The following KLHL30 variants were observed in gnomAD, a reference collection of about 807,000 sequenced individuals.
KLHL30 encodes kelch-like protein 30.
Under a neutral mutation model 55.0 loss-of-function variants are expected in KLHL30, and 55 were observed. The ratio of observed to expected loss-of-function variants is 1.00; its 90% confidence interval spans 0.80 to 1.25. The LOEUF (loss-of-function observed/expected upper bound fraction) is 1.25, where lower values mean the gene tolerates loss of function less well. Ranked by LOEUF, KLHL30 falls within the 50% of genes most tolerant of loss-of-function variation. The pLI is 0.00. For synonymous variants in KLHL30, 356 were observed against 372.6 expected (o/e 0.96, Z 0.51); for missense variants, 786 against 811.6 (o/e 0.97, Z 0.38).
chr2:238,144,953 C>T lies in KLHL30; in HGVS notation c.959C>T (p.Ser320Phe). ...DFPDYHKWGF[S>F]LAALNNNIYV... ...CCCGACTATCACAAGTGGGGTTTCT[C>T]CCTGGCGGCCCTGAACAACAACATC... is the stretch of plus-strand genomic sequence containing the variant. The change falls in exon 4 of 8, where the codon TCC becomes TTC. Residue 320 changes from serine (S) to phenylalanine (F), a missense_variant. Transcript: ENST00000409223. 6.2e-7 allele frequency: 1 copy of T among 1,610,190 alleles called. No homozygotes were observed. The highest frequency in any genetic ancestry group is 8.5e-7 in the Non-Finnish European group (1 of 1,178,388).
rs369875701 is a variant in KLHL30 at position 238,142,850 on chromosome 2, G to A, written c.826G>A (p.Gly276Arg). Residue 276 changes from glycine (G) to arginine (R), a missense_variant, in exon 3 of 8, where the codon GGG becomes AGG. Gly to Arg is a moderately radical substitution (Grantham distance 125). Coordinates refer to ENST00000409223, the MANE Select transcript of KLHL30 (RefSeq NM_198582.4). ...KLEEVLVVVG[G>R]QALEEEEAGE... ...GGAGGAGGTCCTGGTGGTGGTGGGC[G>A]GGCAGGCGCTGGAGGAGGAGGAGGC... 5.7e-5 allele frequency: 84 copies of A among 1,462,306 alleles called. No individual in the cohort carries two copies. The highest frequency in any genetic ancestry group is 2.5e-4 in the Middle Eastern group (1 of 4,036). 90.6% of individuals were successfully genotyped at this position (1,462,306 alleles called of 1,614,324 possible).
chr2:238,145,618 C>T (rs1258428163), intron 4 of KLHL30, 59 bp from the exon 5 acceptor site: 4 of 1,540,476 alleles, frequency 2.6e-6, no homozygotes, highest in African/African-American at 1.4e-5. Flanking sequence ...GGTATCCACA[C>T]CCCATGGCCT....
chr2:238,146,653 C>T (rs534096732), intron 5 of KLHL30, among the ~76,000 whole-genome samples: 4 of 151,106 alleles, frequency 2.6e-5, no homozygotes, highest in Admixed American at 6.6e-5. Flanking sequence ...GTGGTCCACC[C>T]GCCTCAGCCT....
Position 238,149,293 on chromosome 2 carries a change from G to C in KLHL30, c.1485+141G>C, listed in dbSNP as rs1424798872. 7.6e-6 allele frequency: 9 copies of C among 1,190,774 alleles called. No homozygotes were observed. In the African/African-American group the frequency reaches 1.2e-4, roughly 16 times the overall value. 73.8% of individuals were successfully genotyped at this position (1,190,774 alleles called of 1,614,324 possible). A position where few individuals can be genotyped will look rare whatever the true frequency, so the allele number is the denominator to read the frequency against. ...AGCGCAGGCTGGGGTGCCCACAGAG[G>C]GCCCACAGTGAAGGGGGTGGCGCAG... On this transcript the variant is annotated intron_variant, in intron 7 of 7. Coordinates refer to ENST00000409223, the MANE Select transcript of KLHL30 (RefSeq NM_198582.4).
chr2:238,150,275 C>T (rs994021627), intron 7 of KLHL30, among the ~76,000 whole-genome samples: 1 of 152,182 alleles, frequency 6.6e-6, no homozygotes, highest in Non-Finnish European at 1.5e-5. Flanking sequence ...CACAGACCGG[C>T]CTCCCGCTTC....
intron 2 of KLHL30, 66 bp downstream of exon 2, chr2:238,141,594 G>A: frequency 2.8e-6 from 4 of 1,413,562 alleles, no homozygotes; most frequent in Non-Finnish European, 3.7e-6. Flanking sequence ...GACCCCACCT[G>A]AGTAGGGACA....
chr2:238,149,806 G>C (rs1692718806), intron 7 of KLHL30, among the ~76,000 whole-genome samples: 1 of 152,148 alleles, frequency 6.6e-6, no homozygotes, highest in Non-Finnish European at 1.5e-5. Flanking sequence ...ATCAGTGCCT[G>C]AGGAAGGGGA....
chr2:238,151,074 C>G lies in KLHL30; in HGVS notation c.*9C>G, dbSNP rs753767365. 3 of 1,580,570 alleles carry G rather than the reference C, an allele frequency of 1.9e-6. No individual in the cohort carries two copies. In the African/African-American group the frequency reaches 4.0e-5, roughly 21 times the overall value. ...CCACCCAGGAGCACTAAACCAGGGC[C>G]AGGGTCCCCGGGGAGGAGTCCCCAC... On this transcript the variant is annotated 3_prime_UTR_variant, in exon 8 of 8. Transcript: ENST00000409223.
At position 238,149,113 on chromosome 2, in the gene KLHL30, G is replaced by A. The variant is rs544032041; in HGVS notation, c.1446G>A (p.Lys482=). 29 of 1,613,120 alleles carry A rather than the reference G, an allele frequency of 1.8e-5. No individual in the cohort carries two copies. The South Asian group carries it at 3.1e-4, about 17-fold the overall frequency. The change falls in exon 7 of 8, where the codon AAG becomes AAA. Residue 482 remains lysine, a synonymous_variant. Transcript: ENST00000409223. ...ELYLIGDNTK[K]VYVYDPGANL... Reference sequence around the variant, plus strand: ...ACCTCATTGGGGACAACACCAAGAAGGTCTACGTGTACGACCCCGGGGCCA... The same window carrying A: ...ACCTCATTGGGGACAACACCAAGAAAGTCTACGTGTACGACCCCGGGGCCA...
Position 238,142,824 on chromosome 2 carries a change from T to A in KLHL30, c.800T>A (p.Leu267Gln). ...GCACCACTCGCCCTCCAGCAGAAGC[T>A]GGAGGAGGTCCTGGTGGTGGTGGGC... ...DGAPLALQQKLEEVLVVVGGQ... is the reference protein window; with the variant it reads ...DGAPLALQQKQEEVLVVVGGQ... The change falls in exon 3 of 8, where the codon CTG becomes CAG. Residue 267 changes from leucine (L) to glutamine (Q), a missense_variant. Transcript: ENST00000409223. 1 of 1,432,050 alleles carries A rather than the reference T, an allele frequency of 7.0e-7. No homozygotes were observed. Among genetic ancestry groups the A allele is most frequent in the Non-Finnish European group, 9.1e-7 (1 of 1,096,308 alleles). 88.7% of individuals were successfully genotyped at this position (1,432,050 alleles called of 1,614,324 possible).
At chr2:238,142,341 G>A (rs966300190) in intron 2 of KLHL30, among the ~76,000 whole-genome samples, 2 of 152,170 alleles carry the variant, frequency 1.3e-5, no homozygotes, top group African/African-American at 4.8e-5. Context: ...CCTTGCCCGT[G>A]GACGGTCACC....
chr2:238,152,366 T>C lies in KLHL30; in HGVS notation c.*1301T>C, dbSNP rs1692773463. 1 of 232,876 alleles carries C rather than the reference T, an allele frequency of 4.3e-6. No individual in the cohort carries two copies. Among genetic ancestry groups the C allele is most frequent in the Admixed American group, 6.8e-5 (1 of 14,666 alleles). The allele number at this position is 232,876 out of a possible 1,614,324, so 14.4% of individuals were successfully genotyped here. A position where few individuals can be genotyped will look rare whatever the true frequency, so the allele number is the denominator to read the frequency against. On this transcript the variant is annotated 3_prime_UTR_variant, in exon 8 of 8. Transcript: ENST00000409223. ...CAGACCTGCCTCTCATAGCTTTTTT[T>C]TTTTTTTTTTTTTTTTTTTGAGACG...
At chr2:238,140,523 T>C (rs1205461971) in intron 1 of KLHL30, among the ~76,000 whole-genome samples, 162 bp from the exon 2 acceptor site, 4 of 152,090 alleles carry the variant, frequency 2.6e-5, no homozygotes, top group African/African-American at 7.2e-5. Flanking sequence ...TGCAGGGTTC[T>C]GGGGGTGGCT....
chr2:238,144,986 C>T lies in KLHL30; in HGVS notation c.992C>T (p.Thr331Ile), dbSNP rs781225058. 1.8e-5 allele frequency: 29 copies of T among 1,600,796 alleles called. No individual in the cohort carries two copies. Among genetic ancestry groups the T allele is most frequent in the Non-Finnish European group, 2.1e-5 (25 of 1,173,834 alleles). ...GCCCTGAACAACAACATCTATGTCA[C>T]AGGTGGGCAGCTCGGGGACCCTTCC... ...LAALNNNIYV[T>I]GGSRGTKTDT... Residue 331 changes from threonine (T) to isoleucine (I), a missense_variant and splice_region_variant, in exon 4 of 8, where the codon ACA (threonine) becomes ATA (isoleucine). By Grantham distance (89) the Thr-to-Ile change is moderately conservative. Coordinates refer to ENST00000409223, the MANE Select transcript of KLHL30 (RefSeq NM_198582.4).
In KLHL30 at chr2:238,141,357, G is replaced by A; in HGVS notation, c.603G>A (p.Met201Ile). ...QPEQSRLEALMRWVRHDPQAR... is the reference protein window; with the variant it reads ...QPEQSRLEALIRWVRHDPQAR... ...AGCAAAGCCGACTCGAGGCCCTGATGCGCTGGGTGCGCCATGACCCGCAGG... is the reference window on the plus strand; with the variant it reads ...AGCAAAGCCGACTCGAGGCCCTGATACGCTGGGTGCGCCATGACCCGCAGG... The change falls in exon 2 of 8, where the codon ATG becomes ATA. Residue 201 changes from methionine (M) to isoleucine (I), a missense_variant. Coordinates refer to ENST00000409223, the MANE Select transcript of KLHL30 (RefSeq NM_198582.4). 3 of 1,597,368 alleles carry A rather than the reference G, an allele frequency of 1.9e-6. No individual in the cohort carries two copies. In the East Asian group the frequency reaches 6.7e-5, roughly 36 times the overall value.
Position 238,145,829 on chromosome 2 carries a change from G to T in KLHL30, c.1147G>T (p.Gly383Cys). ...CCTCAATGGGGAGATCTACGTTATC[G>T]GCGGTGAGGCCTTCCTCTCCACCCT... ...AALNGEIYVI[G>C]GTTLDVVEVE... The change falls in exon 5 of 8, where the codon GGC becomes TGC. Residue 383 changes from glycine (G) to cysteine (C), a missense_variant. Transcript: ENST00000409223. 6.3e-7 allele frequency: 1 copy of T among 1,595,736 alleles called. No individual in the cohort carries two copies. The highest frequency in any genetic ancestry group is 8.5e-7 in the Non-Finnish European group (1 of 1,170,272).
Position 238,144,917 on chromosome 2 carries a change from T to C in KLHL30, c.923T>C (p.Leu308Pro). 1 of 1,610,844 alleles carries C rather than the reference T, an allele frequency of 6.2e-7. No individual in the cohort carries two copies. The highest frequency in any genetic ancestry group is 8.5e-7 in the Non-Finnish European group (1 of 1,178,656). ...TTCCTGCCAGAGAGGTGGATGGCAC[T>C]TCCAGACTTCCCCGACTATCACAAG... is the stretch of plus-strand genomic sequence containing the variant. ...YNSKAKRWMALPDFPDYHKWG... is the reference protein window; with the variant it reads ...YNSKAKRWMAPPDFPDYHKWG... The change falls in exon 4 of 8, where the codon CTT becomes CCT. Residue 308 changes from leucine to proline, a missense_variant. By Grantham distance (98) the Leu-to-Pro change is moderately conservative. Coordinates refer to ENST00000409223, the MANE Select transcript of KLHL30 (RefSeq NM_198582.4).
At chr2:238,150,304 C>T (rs898705985) in intron 7 of KLHL30, among the ~76,000 whole-genome samples, 6 of 152,208 alleles carry the variant, frequency 3.9e-5, no homozygotes, top group Non-Finnish European at 7.3e-5. Context: ...CCGGGCTCTT[C>T]CTGAAGCCGC....
At chr2:238,150,309 AGCC>A in intron 7 of KLHL30, among the ~76,000 whole-genome samples, 1 of 152,194 alleles carries the variant, frequency 6.6e-6, no homozygotes, top group East Asian at 1.9e-4. Flanking sequence ...CTCTTCCTGA[AGCC>A]GCAGCTCTCT....
Sources: gnomAD v4.1 joint callset for allele counts (sites outside exome capture counted in the v4.1 genomes callset) on GRCh38, gnomAD v4.1.1 for gene constraint, MANE v1.5 for transcripts, NCBI Gene and HGNC (gene_info 2026-07-23, HGNC 2026-07-21) for gene names.